The following GALNT11 variants were observed in gnomAD, a reference collection of about 807,000 sequenced individuals.
GALNT11 encodes UDP-GalNAc:polypeptide N-acetylgalactosaminyltransferase 11.
In GALNT11, 47 loss-of-function variants were observed where a neutral mutation model predicts 72.7. The ratio of observed to expected loss-of-function variants is 0.65; its 90% CI spans 0.51 to 0.82. The LOEUF is 0.82. Ranked by LOEUF, GALNT11 falls within the 40% of genes least tolerant of loss-of-function variation. The pLI is 0.00. For missense variants in GALNT11, 677 were observed against 778.4 expected (o/e 0.87, Z 1.55); for synonymous variants, 270 against 286.6 (o/e 0.94, Z 0.58).
intron 1 of GALNT11, among the ~76,000 whole-genome samples, chr7:152,087,478 GAA>G (rs1563063891): frequency 6.6e-6 from 1 of 152,214 alleles, no homozygotes; most frequent in Non-Finnish European, 1.5e-5. Context: ...AAGGTGGTGG[GAA>G]AAGTGCTCAG....
chr7:152,110,272 A>C (rs565230775), intron 6 of GALNT11, among the ~76,000 whole-genome samples: 4 of 152,194 alleles, frequency 2.6e-5, no homozygotes, highest in African/African-American at 9.7e-5. Context: ...TTCCATCAGA[A>C]ATGGTTATAA....
intron 1 of GALNT11, among the ~76,000 whole-genome samples, chr7:152,085,549 C>CA (rs1213545080): frequency 2.0e-5 from 3 of 151,376 alleles, no homozygotes; most frequent in African/African-American, 7.4e-5. Flanking sequence ...GTATGAAACA[C>CA]AAAGATTTTG....
intron 1 of GALNT11, among the ~76,000 whole-genome samples, chr7:152,090,627 C>T (rs923150303): frequency 2.0e-5 from 3 of 151,994 alleles, no homozygotes; most frequent in East Asian, 1.9e-4. Context: ...TCCTCAAGAG[C>T]CTTTGCTCTT....
At chr7:152,026,364 G>C (rs2082014160) in intron 1 of GALNT11, among the ~76,000 whole-genome samples, 2 of 152,306 alleles carry the variant, frequency 1.3e-5, no homozygotes, top group South Asian at 4.1e-4. Flanking sequence ...AGGCAAACCT[G>C]CCCCTAAGTT....
chr7:152,121,395 C>T, intron 11 of GALNT11, 151 bp from the exon 12 acceptor site: 1 of 797,150 alleles, frequency 1.3e-6, no homozygotes, highest in Non-Finnish European at 2.0e-6. Flanking sequence ...TTGTATTGTG[C>T]TGCAGATAAC....
At chr7:152,047,136 G>A (rs2083167773) in intron 1 of GALNT11, among the ~76,000 whole-genome samples, 1 of 152,106 alleles carries the variant, frequency 6.6e-6, no homozygotes, top group African/African-American at 2.4e-5. Flanking sequence ...CAGCACTTTG[G>A]GAGGCTGAGG....
intron 2 of GALNT11, among the ~76,000 whole-genome samples, chr7:152,098,993 G>A (rs1196460864): frequency 6.6e-6 from 1 of 152,194 alleles, no homozygotes; most frequent in East Asian, 1.9e-4. Flanking sequence ...CACCCAGGCT[G>A]GAGTACAGTG....
intron 1 of GALNT11, among the ~76,000 whole-genome samples, chr7:152,081,423 G>A (rs1475615573): frequency 6.6e-6 from 1 of 152,188 alleles, no homozygotes; most frequent in South Asian, 2.1e-4. Flanking sequence ...TAAATTGGGT[G>A]AGCTGAGATT....
chr7:152,100,694 A>T, intron 2 of GALNT11, 104 bp from the exon 3 acceptor site: 1 of 1,388,398 alleles, frequency 7.2e-7, no homozygotes, highest in Admixed American at 1.9e-5. Context: ...GAGATATTAG[A>T]TTATAATAGG....
At chr7:152,082,714 C>T (rs1002514042) in intron 1 of GALNT11, among the ~76,000 whole-genome samples, 4 of 152,132 alleles carry the variant, frequency 2.6e-5, no homozygotes, top group African/African-American at 7.2e-5. Context: ...CTATTTATTC[C>T]TAATTAGATG....
chr7:152,089,196 A>G (rs2129031921), intron 1 of GALNT11, among the ~76,000 whole-genome samples: 1 of 152,264 alleles, frequency 6.6e-6, no homozygotes, highest in Non-Finnish European at 1.5e-5. Context: ...GGGGGTGGAC[A>G]ACAGTCTTTG....
At chr7:152,032,943 C>T (rs2361219) in intron 1 of GALNT11, among the ~76,000 whole-genome samples, 44,004 of 152,078 alleles carry the variant, frequency 0.29, 7,545 homozygotes, top group East Asian at 0.52. Flanking sequence ...CCCAGGATTC[C>T]TCGGATGGTA....
In GALNT11 at chr7:152,108,024, T is replaced by G; in HGVS notation, c.713-14T>G. The G allele has an allele frequency of 6.3e-7, 1 of 1,599,260 alleles. No individual in the cohort carries two copies. The highest frequency in any genetic ancestry group is 2.3e-5 in the East Asian group (1 of 44,442). ...TTGTGACACTCTCCTGAGCCTCTGT[T>G]GTTTCCTCCCCAGGAGAAGTCCTTG... On this transcript the variant is annotated splice_polypyrimidine_tract_variant and intron_variant, in intron 5 of 11. Coordinates refer to ENST00000430044, the MANE Select transcript of GALNT11 (RefSeq NM_022087.4).
At chr7:152,056,498 T>A (rs2083685529) in intron 1 of GALNT11, among the ~76,000 whole-genome samples, 1 of 152,222 alleles carries the variant, frequency 6.6e-6, no homozygotes, top group African/African-American at 2.4e-5. Flanking sequence ...ACTTAACCAC[T>A]GGCAAAATCC....
chr7:152,110,912 G>T (rs560908803), intron 7 of GALNT11, among the ~76,000 whole-genome samples: 2 of 151,868 alleles, frequency 1.3e-5, no homozygotes, highest in South Asian at 4.2e-4. Context: ...GTAGAGATGG[G>T]CGTCTCACTA....
chr7:152,027,721 G>C (rs1321335176), intron 1 of GALNT11: 1 of 154,362 alleles, frequency 6.5e-6, no homozygotes, highest in Non-Finnish European at 1.4e-5. Flanking sequence ...CTGTCGCGGT[G>C]AGTGTTACAG....
intron 1 of GALNT11, among the ~76,000 whole-genome samples, chr7:152,037,028 C>G (rs889057398): frequency 1.3e-5 from 2 of 152,158 alleles, no homozygotes; most frequent in African/African-American, 4.8e-5. Context: ...TTCTCCTGGT[C>G]TCTAGGTTTC....
chr7:152,033,855 G>A (rs1193953676), intron 1 of GALNT11, among the ~76,000 whole-genome samples: 3 of 152,112 alleles, frequency 2.0e-5, no homozygotes, highest in Non-Finnish European at 4.4e-5. Flanking sequence ...CTTGACTAAG[G>A]TACCAGGTAT....
intron 1 of GALNT11, among the ~76,000 whole-genome samples, chr7:152,028,181 C>A (rs145923917): frequency 0.019 from 2,899 of 152,316 alleles, 92 homozygotes; most frequent in African/African-American, 0.065. Context: ...GTTGCCGCTG[C>A]TGGCTCCAGT....
Sources: allele counts gnomAD v4.1 joint callset (sites outside exome capture counted in the v4.1 genomes callset), GRCh38; gene constraint gnomAD v4.1.1; transcripts MANE v1.5; gene names NCBI Gene and HGNC (gene_info 2026-07-23, HGNC 2026-07-21).